The following DNAJC22 variants were observed in gnomAD, a reference collection of about 807,000 sequenced individuals.
The protein encoded by DNAJC22 is DnaJ heat shock protein family (Hsp40) member C22, also known as dnaJ homolog subfamily C member 22.
In DNAJC22, 24 loss-of-function variants were observed where a neutral mutation model predicts 22.2. That is an observed-to-expected ratio of 1.08 (90% CI 0.78 to 1.52). DNAJC22 has a LOEUF of 1.52. Among genes scored for constraint, DNAJC22 ranks in the 40% most tolerant of loss-of-function variants. The pLI is 0.00. For synonymous variants in DNAJC22, 160 were observed against 167.4 expected (o/e 0.96, Z 0.34); for missense variants, 434 against 421.7 (o/e 1.03, Z -0.26).
At position 49,351,464 on chromosome 12, in the gene DNAJC22, C is replaced by T. The variant is rs1302752326; in HGVS notation, c.988C>T (p.Leu330=). The change falls in exon 4 of 4, where the codon CTG becomes TTG. Residue 330 remains leucine, a synonymous_variant. Coordinates refer to ENST00000549441, the MANE Select transcript of DNAJC22 (RefSeq NM_001304944.2). ...FLEIQAAYEV[L]SQPRKPWGSR... ...GGAGATCCAGGCTGCGTATGAAGTC[C>T]TGAGTCAACCCAGGAAGCCCTGGGG... 6.3e-7 allele frequency: 1 copy of T among 1,583,710 alleles called. No homozygotes were observed. The highest frequency in any genetic ancestry group is 1.4e-5 in the African/African-American group (1 of 72,578).
rs778103416 is a variant in DNAJC22 at position 49,348,918 on chromosome 12, G to T, written c.46G>T (p.Gly16Cys). 3.8e-5 allele frequency: 58 copies of T among 1,519,494 alleles called. No homozygotes were observed. Among genetic ancestry groups the T allele is most frequent in the Non-Finnish European group, 5.1e-5 (58 of 1,136,590 alleles). 94.1% of individuals were successfully genotyped at this position (1,519,494 alleles called of 1,614,324 possible). A position where few individuals can be genotyped will look rare whatever the true frequency, so the allele number is the denominator to read the frequency against. The change falls in exon 3 of 4, where the codon GGC (glycine) becomes TGC (cysteine). Residue 16 changes from glycine (G) to cysteine (C), a missense_variant. Gly to Cys is a radical substitution (Grantham distance 159, BLOSUM62 -3). Transcript: ENST00000549441. Reference sequence around the variant, plus strand: ...GACCTATGCCCTCTGGGCTGTGGGGGGCCCTGCTGGGCTCCACCACCTGTA... The same window carrying T: ...GACCTATGCCCTCTGGGCTGTGGGGTGCCCTGCTGGGCTCCACCACCTGTA... Reference protein sequence around the residue: ...LVTYALWAVGGPAGLHHLYLG... With the variant: ...LVTYALWAVGCPAGLHHLYLG...
Position 49,348,862 on chromosome 12 carries a change from T to C in DNAJC22, c.-11T>C. On this transcript the variant is annotated 5_prime_UTR_variant, in exon 3 of 4. Transcript: ENST00000549441. ...GTAACCGGACTTGTTCTGAGACCTT[T>C]GCCCTAGAGGATGGCCAAGGGGCTC... 2 of 1,482,022 alleles carry C rather than the reference T, an allele frequency of 1.3e-6. No homozygotes were observed. Among genetic ancestry groups the C allele is most frequent in the South Asian group, 1.5e-5 (1 of 67,070 alleles). 91.8% of individuals were successfully genotyped at this position (1,482,022 alleles called of 1,614,324 possible). A position where few individuals can be genotyped will look rare whatever the true frequency, so the allele number is the denominator to read the frequency against.
chr12:49,351,682 G>C lies in DNAJC22; in HGVS notation c.*180G>C. 2.0e-6 allele frequency: 1 copy of C among 504,004 alleles called. No homozygotes were observed. Among genetic ancestry groups the C allele is most frequent in the Non-Finnish European group, 3.2e-6 (1 of 310,046 alleles). 31.2% of individuals were successfully genotyped at this position (504,004 alleles called of 1,614,324 possible). A position where few individuals can be genotyped will look rare whatever the true frequency, so the allele number is the denominator to read the frequency against. ...GGAGGCCGAGGCGGGCAGATCACGA[G>C]GTCAGGAGTTCGAGACCAGCAGCCT... On this transcript the variant is annotated 3_prime_UTR_variant, in exon 4 of 4. Transcript: ENST00000549441.
In DNAJC22 at chr12:49,349,003, G is replaced by A. The variant is rs779456195; in HGVS notation, c.131G>A (p.Gly44Asp). The A allele has an allele frequency of 1.9e-6, 3 of 1,572,484 alleles. No homozygotes were observed. Among genetic ancestry groups the A allele is most frequent in the Non-Finnish European group, 2.6e-6 (3 of 1,160,464 alleles). ...CTGACCCTGGGGGGAGGTGGGCTGGGCTGGCTCTGGGAGTTCTGGAAGCTC... is the reference window on the plus strand; with the variant it reads ...CTGACCCTGGGGGGAGGTGGGCTGGACTGGCTCTGGGAGTTCTGGAAGCTC... ...WMLTLGGGGL[G>D]WLWEFWKLPS... The change falls in exon 3 of 4, where the codon GGC becomes GAC. Residue 44 changes from glycine (G) to aspartate (D), a missense_variant. Gly to Asp is a moderately conservative substitution (Grantham distance 94, BLOSUM62 -1). Transcript: ENST00000549441.
At chr12:49,350,081 C>CTTCT (rs1555174844) in intron 3 of DNAJC22, among the ~76,000 whole-genome samples, 1 of 144,638 alleles carries the variant, frequency 6.9e-6, no homozygotes, top group African/African-American at 2.5e-5. Context: ...TCTTCTTCTT[C>CTTCT]TTTTTTTTTT....
rs1286892852 is a variant in DNAJC22, at chr12:49,349,049, C to T, written c.177C>T (p.Ala59=). ...AGCTCCCAAGCTTTGTAGCTCAGGC[C>T]AACAGAGCCCAGGGACAGAGGCAGA... ...FWKLPSFVAQ[A]NRAQGQRQSP... Residue 59 remains alanine (A), a synonymous_variant, in exon 3 of 4, where the codon GCC becomes GCT. Transcript: ENST00000549441. The T allele has an allele frequency of 1.2e-6, 2 of 1,610,830 alleles. No individual in the cohort carries two copies. Among genetic ancestry groups the T allele is most frequent in the Non-Finnish European group, 1.7e-6 (2 of 1,178,426 alleles).
intron 2 of DNAJC22, 116 bp from the exon 3 acceptor site, chr12:49,348,650 A>T (rs1943730587): frequency 6.6e-6 from 3 of 454,456 alleles, no homozygotes; most frequent in Non-Finnish European, 3.6e-6. Context: ...GGGATATGAG[A>T]TAAATAGCAC....
In DNAJC22 at chr12:49,349,050, A is replaced by T; in HGVS notation, c.178A>T (p.Asn60Tyr). ...GCTCCCAAGCTTTGTAGCTCAGGCCAACAGAGCCCAGGGACAGAGGCAGAG... is the reference window on the plus strand; with the variant it reads ...GCTCCCAAGCTTTGTAGCTCAGGCCTACAGAGCCCAGGGACAGAGGCAGAG... ...WKLPSFVAQA[N>Y]RAQGQRQSPR... Residue 60 changes from asparagine (N) to tyrosine (Y), a missense_variant, in exon 3 of 4, where the codon AAC becomes TAC. By Grantham distance (143) the Asn-to-Tyr change is moderately radical. Coordinates refer to ENST00000549441, the MANE Select transcript of DNAJC22 (RefSeq NM_001304944.2). 6.2e-7 allele frequency: 1 copy of T among 1,611,490 alleles called. No homozygotes were observed. Among genetic ancestry groups the T allele is most frequent in the Non-Finnish European group, 8.5e-7 (1 of 1,178,702 alleles).
chr12:49,349,242 G>T lies in DNAJC22; in HGVS notation c.370G>T (p.Val124Phe). ...CTTAGGGGTCTTGCTGGTGGCTGCT[G>T]TTGGCAACCAGACCTCAGACTTTAA... ...VGLGVLLVAA[V>F]GNQTSDFKNT... The change falls in exon 3 of 4, where the codon GTT (valine) becomes TTT (phenylalanine). Residue 124 changes from valine to phenylalanine, a missense_variant. Coordinates refer to ENST00000549441, the MANE Select transcript of DNAJC22 (RefSeq NM_001304944.2). The T allele has an allele frequency of 6.2e-7, 1 of 1,614,176 alleles. No individual in the cohort carries two copies. The highest frequency in any genetic ancestry group is 8.5e-7 in the Non-Finnish European group (1 of 1,180,030).
chr12:49,348,676 A>C (rs1408709761), intron 2 of DNAJC22, 90 bp from the exon 3 acceptor site: 1 of 611,114 alleles, frequency 1.6e-6, no homozygotes, highest in Non-Finnish European at 2.4e-6. Flanking sequence ...ACTCAGGCAG[A>C]TCTGTACTCA....
At chr12:49,351,075 C>T in intron 3 of DNAJC22, 1 of 854,488 alleles carries the variant, frequency 1.2e-6, no homozygotes, top group Middle Eastern at 6.0e-4. Context: ...ATGGCTCTTG[C>T]CATGAGATCT....
Position 49,349,726 on chromosome 12 carries a change from C to T in DNAJC22, c.840+14C>T. 1 of 1,614,046 alleles carries T rather than the reference C, an allele frequency of 6.2e-7. No homozygotes were observed. The highest frequency in any genetic ancestry group is 8.5e-7 in the Non-Finnish European group (1 of 1,180,028). On this transcript the variant is annotated intron_variant, in intron 3 of 3. Coordinates refer to ENST00000549441, the MANE Select transcript of DNAJC22 (RefSeq NM_001304944.2). ...CTGGCTTACCAGGTAAGGCTTTCTT[C>T]CCTCAGTCCTGTCCGGTGGCTCTGG...
At chr12:49,349,838 G>A in intron 3 of DNAJC22, 126 bp downstream of exon 3, 1 of 1,517,084 alleles carries the variant, frequency 6.6e-7, no homozygotes. Context: ...TGTGTACAAT[G>A]GGCAAAGGTT....
rs929329200 is a variant in DNAJC22 at position 49,351,578 on chromosome 12, A to G, written c.*76A>G. ...TGTCCCAAATCTAGCTTTGCCCACG[A>G]ATGGCATCCCAACAGAGTTAAAGAA... On this transcript the variant is annotated 3_prime_UTR_variant, in exon 4 of 4. Transcript: ENST00000549441. 2.8e-6 allele frequency: 4 copies of G among 1,440,722 alleles called. No homozygotes were observed. The highest frequency in any genetic ancestry group is 2.8e-6 in the Non-Finnish European group (3 of 1,088,020). 89.2% of individuals were successfully genotyped at this position (1,440,722 alleles called of 1,614,324 possible). A position where few individuals can be genotyped will look rare whatever the true frequency, so the allele number is the denominator to read the frequency against.
At chr12:49,350,704 G>T (rs1484917562) in intron 3 of DNAJC22, among the ~76,000 whole-genome samples, 2 of 148,342 alleles carry the variant, frequency 1.3e-5, no homozygotes, top group African/African-American at 5.2e-5. Context: ...CTCCATGTTG[G>T]TCAGGCTGGT....
chr12:49,350,764 C>G (rs1427320588), intron 3 of DNAJC22, among the ~76,000 whole-genome samples: 1 of 152,124 alleles, frequency 6.6e-6, no homozygotes, highest in African/African-American at 2.4e-5. Context: ...TCCCAAAGTG[C>G]TAGAATTACA....
Position 49,352,879 on chromosome 12 carries a change from A to G in DNAJC22, c.*1377A>G, listed in dbSNP as rs1206604466. On this transcript the variant is annotated 3_prime_UTR_variant, in exon 4 of 4. Transcript: ENST00000549441. The stretch of plus-strand genomic sequence containing the variant: ...GGCTGACTTCTCAGGTCTTCCCAGT[A>G]TTTGAGGTCTGATTCTGGGCTACAT... 1 of 152,136 alleles carries G rather than the reference A, an allele frequency of 6.6e-6. No individual in the cohort carries two copies. Among genetic ancestry groups the G allele is most frequent in the Non-Finnish European group, 1.5e-5 (1 of 68,026 alleles). The allele number at this position is 152,136 out of a possible 1,614,324, so 9.4% of individuals were successfully genotyped here. A position where few individuals can be genotyped will look rare whatever the true frequency, so the allele number is the denominator to read the frequency against.
Position 49,351,590 on chromosome 12 carries a change from A to G in DNAJC22, c.*88A>G. ...AGCTTTGCCCACGAATGGCATCCCA[A>G]CAGAGTTAAAGAAACTGCTTGCAGG... On this transcript the variant is annotated 3_prime_UTR_variant, in exon 4 of 4. Transcript: ENST00000549441. 7.1e-7 allele frequency: 1 copy of G among 1,402,146 alleles called. No individual in the cohort carries two copies. The highest frequency in any genetic ancestry group is 9.4e-7 in the Non-Finnish European group (1 of 1,060,514). 86.9% of individuals were successfully genotyped at this position (1,402,146 alleles called of 1,614,324 possible).
chr12:49,349,029 C>T lies in DNAJC22; in HGVS notation c.157C>T (p.Pro53Ser), dbSNP rs760267097. 1.2e-6 allele frequency: 2 copies of T among 1,600,660 alleles called. No individual in the cohort carries two copies. Among genetic ancestry groups the T allele is most frequent in the Middle Eastern group, 3.4e-4 (2 of 5,954 alleles). Reference protein sequence around the residue: ...LGWLWEFWKLPSFVAQANRAQ... With the variant: ...LGWLWEFWKLSSFVAQANRAQ... ...CTGGCTCTGGGAGTTCTGGAAGCTC[C>T]CAAGCTTTGTAGCTCAGGCCAACAG... Residue 53 changes from proline (P) to serine (S), a missense_variant, in exon 3 of 4, where the codon CCA (proline) becomes TCA (serine). By Grantham distance (74) the Pro-to-Ser change is moderately conservative. Coordinates refer to ENST00000549441, the MANE Select transcript of DNAJC22 (RefSeq NM_001304944.2).
Sources: gnomAD v4.1 joint callset for allele counts (sites outside exome capture counted in the v4.1 genomes callset) on GRCh38, gnomAD v4.1.1 for gene constraint, MANE v1.5 for transcripts, NCBI Gene and HGNC (gene_info 2026-07-23, HGNC 2026-07-21) for gene names.